ELMO1: variants seen among roughly 807,000 people sequenced by gnomAD.
ELMO1 encodes engulfment and cell motility 1.
ELMO1 carries 26 observed loss-of-function variants against 98.9 expected under a neutral mutation model. The observed-to-expected ratio is 0.26, with a 90% CI of 0.19 to 0.36. The LOEUF is 0.36. Ranked by LOEUF, ELMO1 falls within the 10% of genes least tolerant of loss-of-function variation. The pLI, the probability that ELMO1 is intolerant of heterozygous loss-of-function variation, is 1.00. For synonymous variants in ELMO1, 346 were observed against 346.0 expected (o/e 1.00, Z 0.00); for missense variants, 627 against 935.2 (o/e 0.67, Z 4.30).
intron 13 of ELMO1, among the ~76,000 whole-genome samples, chr7:37,167,190 G>A (rs1789770032): frequency 6.6e-6 from 1 of 150,742 alleles, no homozygotes. Context: ...CCATTTGCTT[G>A]GTAGATCTTC....
chr7:37,163,799 CGTGT>C (rs1789418035), intron 13 of ELMO1, among the ~76,000 whole-genome samples: 1 of 152,142 alleles, frequency 6.6e-6, no homozygotes, highest in East Asian at 1.9e-4. Context: ...AATAAACATA[CGTGT>C]GCATGTGTCT....
intron 2 of ELMO1, among the ~76,000 whole-genome samples, chr7:37,324,336 T>G (rs535408637): frequency 6.6e-6 from 1 of 152,124 alleles, no homozygotes; most frequent in Admixed American, 6.6e-5. Context: ...CTATGGAGCA[T>G]GGGCTGCCGT....
Position 37,233,132 on chromosome 7 carries a change from A to C in ELMO1, c.512T>G (p.Val171Gly). 6.2e-7 allele frequency: 1 copy of C among 1,613,870 alleles called. No homozygotes were observed. Among genetic ancestry groups the C allele is most frequent in the South Asian group, 1.1e-5 (1 of 91,070 alleles). Residue 171 changes from valine to glycine, a missense_variant, in exon 8 of 22, where the codon GTG (valine) becomes GGG (glycine). This residue lies in a region of ELMO1 where 492 missense variants were observed against 715.6 expected (regional missense o/e 0.69). Transcript: ENST00000310758. ...AFVELMDHGI[V>G]SWDTFSVAFI... ...CGCCACCGAAAATGTATCCCAGGAC[A>C]CTATGCCATGGTCCATCAGCTCAAC...
chr7:37,381,670 GT>G (rs751761368), intron 1 of ELMO1, among the ~76,000 whole-genome samples: 103 of 152,270 alleles, frequency 6.8e-4, no homozygotes, highest in South Asian at 1.0e-3. Context: ...ACAAACCAAT[GT>G]CGAGGGAAAT....
At chr7:37,174,735 CTG>C (rs1305813176) in intron 13 of ELMO1, among the ~76,000 whole-genome samples, 2 of 152,158 alleles carry the variant, frequency 1.3e-5, no homozygotes, top group Non-Finnish European at 2.9e-5. Flanking sequence ...GGCTGGCACA[CTG>C]TTAATTACAT....
chr7:37,267,736 C>A (rs569511807), intron 5 of ELMO1, among the ~76,000 whole-genome samples: 1 of 152,280 alleles, frequency 6.6e-6, no homozygotes, highest in East Asian at 1.9e-4. Context: ...CATGCACAGA[C>A]ATTATTTTGT....
At chr7:37,244,477 G>T (rs568206197) in intron 6 of ELMO1, 86 bp from the exon 7 acceptor site, 3 of 1,428,710 alleles carry the variant, frequency 2.1e-6, no homozygotes, top group Non-Finnish European at 2.9e-6. Context: ...GAAAACTCAG[G>T]ATTAGATTTA....
intron 16 of ELMO1, among the ~76,000 whole-genome samples, chr7:36,940,693 A>C (rs1473458869): frequency 5.3e-5 from 8 of 152,246 alleles, no homozygotes; most frequent in Admixed American, 1.3e-4. Flanking sequence ...AACTATTAGT[A>C]ACAATAATAA....
At chr7:37,215,688 C>A (rs914892067) in intron 11 of ELMO1, among the ~76,000 whole-genome samples, 1 of 152,254 alleles carries the variant, frequency 6.6e-6, no homozygotes, top group Non-Finnish European at 1.5e-5. Flanking sequence ...CCTCACATAT[C>A]CCTTCCCTCA....
intron 1 of ELMO1, among the ~76,000 whole-genome samples, chr7:37,416,552 T>C (rs10243784): frequency 0.17 from 25,354 of 152,106 alleles, 2,276 homozygotes; most frequent in South Asian, 0.26. Context: ...TGGAACTGGA[T>C]AATGCATAAT....
intron 14 of ELMO1, among the ~76,000 whole-genome samples, chr7:37,110,780 T>C (rs78816236): frequency 0.056 from 8,455 of 152,188 alleles, 349 homozygotes; most frequent in East Asian, 0.12. Flanking sequence ...ATCAGCCCCA[T>C]GCTGTGGCTC....
At chr7:37,333,993 G>A (rs900823312) in intron 2 of ELMO1, among the ~76,000 whole-genome samples, 34 of 152,162 alleles carry the variant, frequency 2.2e-4, no homozygotes, top group African/African-American at 8.0e-4. Flanking sequence ...GGTAGCTCCT[G>A]CAGGGAGAGT....
chr7:36,865,072 G>A (rs1802927634), intron 20 of ELMO1, among the ~76,000 whole-genome samples: 3 of 152,156 alleles, frequency 2.0e-5, no homozygotes, highest in South Asian at 2.1e-4. Context: ...CATCTTCCAT[G>A]GGTCAAATGA....
intron 17 of ELMO1, among the ~76,000 whole-genome samples, chr7:36,889,503 C>T (rs114862740): frequency 5.3e-5 from 8 of 152,268 alleles, no homozygotes; most frequent in East Asian, 1.9e-4. Context: ...GACAAAGGCA[C>T]GGTACCAGAG....
Position 37,025,163 on chromosome 7 carries a change from C to T in ELMO1, c.1301-11728G>A, listed in dbSNP as rs1272417600. 1.3e-5 allele frequency among the ~76,000 whole-genome samples: 2 copies of T among 152,160 alleles called. 1 individual carries two copies. Among genetic ancestry groups the T allele is most frequent in the East Asian group, 3.9e-4 (2 of 5,192 alleles). On this transcript the variant is annotated intron_variant, in intron 15 of 21. Coordinates refer to ENST00000310758, the MANE Select transcript of ELMO1 (RefSeq NM_014800.11). ...CATCCGTTGGCAAAATAATCATTTA[C>T]TGGAGCTGCTTTTAGGTCTAGGAAA...
At chr7:36,986,151 G>T in intron 16 of ELMO1, 1 of 986,598 alleles carries the variant, frequency 1.0e-6, no homozygotes, top group Non-Finnish European at 1.2e-6. Flanking sequence ...TAAGCATGTA[G>T]CTTTGCTTAT....
chr7:37,374,622 G>C (rs369654474), intron 1 of ELMO1, among the ~76,000 whole-genome samples: 1 of 151,958 alleles, frequency 6.6e-6, no homozygotes, highest in Non-Finnish European at 1.5e-5. Context: ...GTGGTGGCAC[G>C]CACCTGTAGT....
intron 16 of ELMO1, among the ~76,000 whole-genome samples, chr7:36,921,106 C>A (rs541352964): frequency 6.6e-6 from 1 of 151,416 alleles, no homozygotes; most frequent in Non-Finnish European, 1.5e-5. Context: ...AGGAAGTGAG[C>A]CTTTGCCAGG....
intron 14 of ELMO1, among the ~76,000 whole-genome samples, chr7:37,103,195 C>G (rs1784736124): frequency 6.6e-6 from 1 of 152,194 alleles, no homozygotes; most frequent in Admixed American, 6.5e-5. Flanking sequence ...CAAGGTATTA[C>G]TATTTGCATT....
Sources: allele counts gnomAD v4.1 joint callset (sites outside exome capture counted in the v4.1 genomes callset), GRCh38; gene constraint gnomAD v4.1.1; regional missense constraint gnomAD v4.1.1; transcripts MANE v1.5; gene names NCBI Gene and HGNC (gene_info 2026-07-23, HGNC 2026-07-21).